ABI3BP: variants seen among roughly 807,000 people sequenced by gnomAD.
ABI3BP encodes the protein ABI family member 3 binding protein, also known as target of Nesh-SH3.
ABI3BP carries 216 observed loss-of-function variants against 268.6 expected under a neutral mutation model. That is an observed-to-expected ratio of 0.80 (90% CI 0.72 to 0.90). The LOEUF is 0.90. ABI3BP is among the 40% of genes least tolerant of loss of function. The pLI, the probability that ABI3BP is intolerant of heterozygous loss-of-function variation, is 0.00. For missense variants in ABI3BP, 2,090 were observed against 2,182.4 expected, an observed-to-expected ratio of 0.96 and a Z score of 0.84; for synonymous variants, 730 against 730.0, an observed-to-expected ratio of 1.00 and a Z score of 0.00.
rs1053805346 is a variant in ABI3BP at position 100,822,497 on chromosome 3, G to A, written c.2887+92C>T. ...GAGTTGTAGCTTCCCTCTCACAGGG[G>A]CCTATTGGTTACTCCCAACCACTGG... On this transcript the variant is annotated intron_variant, in intron 38 of 67. Transcript: ENST00000471714. 2.7e-5 allele frequency: 29 copies of A among 1,077,310 alleles called. No individual in the cohort carries two copies. In the African/African-American group the frequency reaches 4.1e-4, roughly 15 times the overall value. 66.7% of individuals were successfully genotyped at this position (1,077,310 alleles called of 1,614,324 possible).
chr3:100,835,721 T>C, intron 27 of ABI3BP, 61 bp from the exon 28 acceptor site: 1 of 1,303,592 alleles, frequency 7.7e-7, no homozygotes, highest in Non-Finnish European at 1.1e-6. Flanking sequence ...CAAAGTTATT[T>C]TGAAAATGAA....
At chr3:100,906,884 C>T (rs1182695319) in intron 2 of ABI3BP, among the ~76,000 whole-genome samples, 1 of 152,188 alleles carries the variant, frequency 6.6e-6, no homozygotes, top group African/African-American at 2.4e-5. Context: ...CTCACTGCTT[C>T]AGAATATTGT....
At chr3:100,980,913 C>G (rs2089048521) in intron 1 of ABI3BP, among the ~76,000 whole-genome samples, 1 of 152,206 alleles carries the variant, frequency 6.6e-6, no homozygotes, top group African/African-American at 2.4e-5. Context: ...TTCAAAATAT[C>G]AAACTCCAAC....
intron 1 of ABI3BP, among the ~76,000 whole-genome samples, chr3:100,940,176 G>C (rs62273930): frequency 0.1 from 15,728 of 151,906 alleles, 1,112 homozygotes; most frequent in Non-Finnish European, 0.15. Flanking sequence ...GTCCTGAGGC[G>C]ACATACATCT....
At chr3:100,776,045 G>A (rs2096693499) in intron 59 of ABI3BP, among the ~76,000 whole-genome samples, 1 of 152,174 alleles carries the variant, frequency 6.6e-6, no homozygotes, top group Non-Finnish European at 1.5e-5. Flanking sequence ...GGCCAGTATA[G>A]TGCTACCCTG....
intron 62 of ABI3BP, among the ~76,000 whole-genome samples, chr3:100,768,474 T>C (rs750696326): frequency 2.6e-5 from 4 of 152,208 alleles, no homozygotes; most frequent in Non-Finnish European, 4.4e-5. Context: ...TCTTCCTAAT[T>C]AAAAAGACAT....
At position 100,794,988 on chromosome 3, in the gene ABI3BP, C is replaced by T. The variant is rs1275957964; in HGVS notation, c.3881G>A (p.Arg1294Gln). The change falls in exon 54 of 68, where the codon CGA becomes CAA. Residue 1294 changes from arginine (R) to glutamine (Q), a missense_variant. Physicochemically the swap from Arg to Gln is conservative, Grantham distance 43. Coordinates refer to ENST00000471714, the MANE Select transcript of ABI3BP (RefSeq NM_001375547.2). ...AATCATGGGTATAAAAGGGATGCCT[C>T]GTGTCTCTAGAGGAGCTGCAAAAAG... Reference protein sequence around the residue: ...PKTTIAPLETRGIPFIPMISP... With the variant: ...PKTTIAPLETQGIPFIPMISP... 7 of 1,546,496 alleles carry T rather than the reference C, an allele frequency of 4.5e-6. No homozygotes were observed. Among genetic ancestry groups the T allele is most frequent in the South Asian group, 2.5e-5 (2 of 80,550 alleles).
At chr3:100,889,552 A>G (rs1159998775) in intron 4 of ABI3BP, among the ~76,000 whole-genome samples, 4 of 152,166 alleles carry the variant, frequency 2.6e-5, no homozygotes, top group Non-Finnish European at 4.4e-5. Context: ...TGAATGATTA[A>G]AATTGAGCAC....
rs117932998 is a variant in ABI3BP, at chr3:100,831,466, A to G, written c.2401+798T>C. On this transcript the variant is annotated intron_variant, in intron 31 of 67. Transcript: ENST00000471714. ...AAATACAGCTTTACTTAACATAAGT[A>G]GCTGAAGAACCAACTCTCAGTTTTT... Among the ~76,000 whole-genome samples the G allele has an allele frequency of 2.8e-4, 42 of 152,302 alleles. No homozygotes were observed. The East Asian group carries it at 7.9e-3, about 29-fold the overall frequency.
intron 1 of ABI3BP, among the ~76,000 whole-genome samples, chr3:100,983,430 T>A (rs2090499825): frequency 6.6e-6 from 1 of 152,270 alleles, no homozygotes; most frequent in Non-Finnish European, 1.5e-5. Flanking sequence ...ATTGCATATT[T>A]ACTTAACTCC....
At chr3:100,827,973 TA>T (rs1178833912) in intron 34 of ABI3BP, among the ~76,000 whole-genome samples, 1 of 151,760 alleles carries the variant, frequency 6.6e-6, no homozygotes, top group Non-Finnish European at 1.5e-5. Flanking sequence ...ACAGGCAGAT[TA>T]AAAAGGTAGA....
At chr3:100,866,650 T>G (rs1045671932) in intron 10 of ABI3BP, among the ~76,000 whole-genome samples, 4 of 152,210 alleles carry the variant, frequency 2.6e-5, no homozygotes, top group African/African-American at 9.6e-5. Context: ...AATTTTCATT[T>G]AGAGTAAAAA....
chr3:100,924,497 A>T (rs188353378), intron 2 of ABI3BP, among the ~76,000 whole-genome samples: 2 of 152,294 alleles, frequency 1.3e-5, no homozygotes, highest in Admixed American at 1.3e-4. Context: ...ATACCCAGCA[A>T]TGAATACAGT....
chr3:100,926,166 A>G, intron 2 of ABI3BP, 136 bp downstream of exon 2: 2 of 852,992 alleles, frequency 2.3e-6, no homozygotes, highest in Non-Finnish European at 3.5e-6. Flanking sequence ...AATTATGAAG[A>G]TGTCTTGTAA....
At chr3:100,943,867 T>A (rs2070764824) in intron 1 of ABI3BP, among the ~76,000 whole-genome samples, 1 of 152,102 alleles carries the variant, frequency 6.6e-6, no homozygotes. Flanking sequence ...ATGATAAAAT[T>A]TTTTCCAAGA....
intron 2 of ABI3BP, among the ~76,000 whole-genome samples, chr3:100,922,559 C>T (rs9857627): frequency 1.3e-3 from 81 of 60,670 alleles, no homozygotes; most frequent in East Asian, 3.9e-3. Flanking sequence ...ATGGTGATGG[C>T]GATGGCGATG....
chr3:100,795,947 A>T (rs1276281231), intron 52 of ABI3BP, 96 bp from the exon 53 acceptor site: 1 of 820,032 alleles, frequency 1.2e-6, no homozygotes, highest in African/African-American at 1.9e-5. Context: ...TTGATTTAAT[A>T]ATTTAAATGT....
At chr3:100,933,650 T>C (rs1480308555) in intron 1 of ABI3BP, among the ~76,000 whole-genome samples, 2 of 149,666 alleles carry the variant, frequency 1.3e-5, no homozygotes, top group African/African-American at 2.4e-5. Flanking sequence ...TATATATCTA[T>C]TGAAGGACTT....
intron 10 of ABI3BP, among the ~76,000 whole-genome samples, chr3:100,865,277 G>C (rs1267739106): frequency 6.6e-6 from 1 of 152,120 alleles, no homozygotes; most frequent in Non-Finnish European, 1.5e-5. Context: ...ATTTATTGAA[G>C]AATCTGAAGG....
Sources: allele counts gnomAD v4.1 joint callset (sites outside exome capture counted in the v4.1 genomes callset), GRCh38; gene constraint gnomAD v4.1.1; transcripts MANE v1.5; gene names NCBI Gene and HGNC (gene_info 2026-07-23, HGNC 2026-07-21).